Variants in CTNNA3 observed in about 807,000 individuals in gnomAD.
CTNNA3 encodes catenin alpha 3.
CTNNA3 carries 76 observed loss-of-function variants against 95.7 expected under a neutral mutation model. That is an observed-to-expected ratio of 0.79 (90% confidence interval 0.66 to 0.96). CTNNA3 has a LOEUF of 0.96. Among genes scored for constraint, CTNNA3 ranks in the 40% least tolerant of loss-of-function variants. CTNNA3 has a pLI of 0.00. For missense variants in CTNNA3, 1,191 were observed against 1,089.8 expected (o/e 1.09, Z -1.31); for synonymous variants, 431 against 374.4 (o/e 1.15, Z -1.74).
At chr10:67,413,042 A>G (rs1036510758) in intron 5 of CTNNA3, among the ~76,000 whole-genome samples, 1 of 152,162 alleles carries the variant, frequency 6.6e-6, no homozygotes, top group African/African-American at 2.4e-5. Context: ...CAAAAGACAC[A>G]GAGTGGCAGG....
At chr10:66,075,667 C>G (rs933693398) in intron 14 of CTNNA3, among the ~76,000 whole-genome samples, 1 of 151,664 alleles carries the variant, frequency 6.6e-6, no homozygotes, top group Non-Finnish European at 1.5e-5. Flanking sequence ...AGAAATATAG[C>G]GCCATTATAA....
rs2089088239 is a variant in CTNNA3 at position 66,223,576 on chromosome 10, T to C, written c.1884+56894A>G. 3.3e-5 allele frequency among the ~76,000 whole-genome samples: 5 copies of C among 152,132 alleles called. No homozygotes were observed. The South Asian group carries it at 1.0e-3, about 32-fold the overall frequency. ...CGTTTCTATTTTTCAGAGGTATTTG[T>C]TTGTTTTGAATTTTGAAAATGGTAA... On this transcript the variant is annotated intron_variant, in intron 13 of 17. Transcript: ENST00000433211.
intron 9 of CTNNA3, among the ~76,000 whole-genome samples, chr10:66,657,162 T>C (rs1007740): frequency 0.66 from 100,166 of 151,918 alleles, 33,924 homozygotes; most frequent in East Asian, 0.95. Context: ...GACCTGATGC[T>C]AAAAGAAGGT....
chr10:67,420,178 TG>T (rs1748454243), intron 5 of CTNNA3, among the ~76,000 whole-genome samples: 1 of 152,148 alleles, frequency 6.6e-6, no homozygotes, highest in Admixed American at 6.5e-5. Flanking sequence ...TTTTTACTAA[TG>T]AAAAAAACAT....
chr10:67,060,113 C>T (rs547593215), intron 7 of CTNNA3, among the ~76,000 whole-genome samples: 46 of 152,080 alleles, frequency 3.0e-4, no homozygotes, highest in Non-Finnish European at 4.9e-4. Flanking sequence ...CCTAGGATTT[C>T]GAGACCAGCC....
At chr10:66,258,325 C>T (rs962432980) in intron 13 of CTNNA3, among the ~76,000 whole-genome samples, 3 of 152,194 alleles carry the variant, frequency 2.0e-5, no homozygotes, top group Non-Finnish European at 4.4e-5. Context: ...GTACAAAGAG[C>T]CTCTCTAGCG....
chr10:66,689,919 G>C (rs1847454273), intron 9 of CTNNA3, among the ~76,000 whole-genome samples: 1 of 152,154 alleles, frequency 6.6e-6, no homozygotes, highest in East Asian at 1.9e-4. Context: ...AAAAGACACA[G>C]AGAAGGCAAA....
At chr10:66,864,948 A>G (rs1844106423) in intron 7 of CTNNA3, among the ~76,000 whole-genome samples, 1 of 152,156 alleles carries the variant, frequency 6.6e-6, no homozygotes. Flanking sequence ...GATATTTTAT[A>G]GGATAATGAA....
chr10:67,497,651 T>G (rs1158619790), intron 5 of CTNNA3, among the ~76,000 whole-genome samples: 2 of 152,272 alleles, frequency 1.3e-5, no homozygotes, highest in South Asian at 4.1e-4. Flanking sequence ...GGTATCTCAT[T>G]GTGGTTTTGA....
At chr10:66,041,217 T>C (rs2079680950) in intron 15 of CTNNA3, among the ~76,000 whole-genome samples, 1 of 152,132 alleles carries the variant, frequency 6.6e-6, no homozygotes, top group African/African-American at 2.4e-5. Flanking sequence ...GCAATATAAC[T>C]GACTAGTATT....
intron 5 of CTNNA3, among the ~76,000 whole-genome samples, chr10:67,413,408 T>C (rs879500155): frequency 2.6e-5 from 4 of 152,232 alleles, no homozygotes; most frequent in Non-Finnish European, 4.4e-5. Context: ...ATACTAAATA[T>C]ATACACACCC....
At chr10:66,481,819 T>C (rs1460115203) in intron 11 of CTNNA3, among the ~76,000 whole-genome samples, 1 of 152,184 alleles carries the variant, frequency 6.6e-6, no homozygotes, top group Non-Finnish European at 1.5e-5. Flanking sequence ...AGTTGTTATA[T>C]AATCACGACA....
chr10:66,438,412 T>C lies in CTNNA3; in HGVS notation c.1532-59060A>G, dbSNP rs971231887. 2.0e-5 allele frequency among the ~76,000 whole-genome samples: 3 copies of C among 152,194 alleles called. No individual in the cohort carries two copies. The South Asian group carries it at 6.2e-4, about 31-fold the overall frequency. ...ATGCCCTGCCCAGAAAGGAGGAATC[T>C]AGAGAGGCAGTCTGGCTACAGAGGC... On this transcript the variant is annotated intron_variant, in intron 11 of 17. Transcript: ENST00000433211.
chr10:66,379,045 T>C (rs1337219470), intron 12 of CTNNA3, 107 bp downstream of exon 12: 1 of 946,016 alleles, frequency 1.1e-6, no homozygotes, highest in Non-Finnish European at 1.6e-6. Flanking sequence ...GCAATGTATG[T>C]CAAAAGAAGC....
chr10:66,350,399 C>T (rs1206934663), intron 12 of CTNNA3, among the ~76,000 whole-genome samples: 1 of 152,020 alleles, frequency 6.6e-6, no homozygotes, highest in Non-Finnish European at 1.5e-5. Context: ...CATTTGTCCA[C>T]AAACAAGAAG....
chr10:67,053,198 C>T (rs938808848), intron 7 of CTNNA3, among the ~76,000 whole-genome samples: 5 of 152,120 alleles, frequency 3.3e-5, no homozygotes, highest in Non-Finnish European at 7.3e-5. Flanking sequence ...AACCTTCACA[C>T]AATTAACTTT....
chr10:66,261,251 ACTT>A (rs779560241), intron 13 of CTNNA3, among the ~76,000 whole-genome samples: 3 of 151,986 alleles, frequency 2.0e-5, no homozygotes, highest in Non-Finnish European at 2.9e-5. Context: ...TCTTTGCTTC[ACTT>A]CTTAAGTAAA....
intron 5 of CTNNA3, among the ~76,000 whole-genome samples, chr10:67,300,182 C>A (rs190379857): frequency 2.0e-5 from 3 of 152,170 alleles, no homozygotes; most frequent in Admixed American, 1.3e-4. Flanking sequence ...CCGCTCCCCC[C>A]ACAAAAAATA....
intron 13 of CTNNA3, among the ~76,000 whole-genome samples, chr10:66,266,870 G>A (rs904292620): frequency 1.3e-5 from 2 of 151,974 alleles, no homozygotes; most frequent in African/African-American, 4.8e-5. Flanking sequence ...CATATCCTGA[G>A]AAAGAGAAAT....
Sources: allele counts gnomAD v4.1 joint callset (sites outside exome capture counted in the v4.1 genomes callset), GRCh38; gene constraint gnomAD v4.1.1; transcripts MANE v1.5; gene names NCBI Gene and HGNC (gene_info 2026-07-23, HGNC 2026-07-21).